MCUB: variants seen among roughly 807,000 people sequenced by gnomAD.
MCUB encodes the protein calcium uniporter regulatory subunit MCUb, mitochondrial.
A neutral mutation model predicts 41.4 loss-of-function variants in MCUB; 46 were observed. The observed-to-expected ratio is 1.11, with a 90% confidence interval of 0.88 to 1.42. The LOEUF is 1.42. Ranked by LOEUF, MCUB falls within the 40% of genes most tolerant of loss-of-function variation. The pLI is 0.00. For missense variants in MCUB, 403 were observed against 404.9 expected (o/e 1.00, Z 0.04); for synonymous variants, 148 against 148.2 (o/e 1.00, Z 0.01).
At chr4:109,643,191 T>C (rs1322358146) in intron 1 of MCUB, among the ~76,000 whole-genome samples, 1 of 152,078 alleles carries the variant, frequency 6.6e-6, no homozygotes, top group Non-Finnish European at 1.5e-5. Flanking sequence ...GTGAGACTTA[T>C]TTTCTTTTAT....
chr4:109,587,840 A>G (rs1352653553), intron 1 of MCUB, among the ~76,000 whole-genome samples: 1 of 152,236 alleles, frequency 6.6e-6, no homozygotes, highest in East Asian at 1.9e-4. Flanking sequence ...AATTAATTCA[A>G]AAGTCTTTTC....
chr4:109,575,629 G>A (rs1727009202), intron 1 of MCUB, among the ~76,000 whole-genome samples: 1 of 152,168 alleles, frequency 6.6e-6, no homozygotes, highest in South Asian at 2.1e-4. Flanking sequence ...CAGTTGTTAT[G>A]CCTGCAATTA....
intron 1 of MCUB, among the ~76,000 whole-genome samples, chr4:109,619,754 G>A (rs930803420): frequency 6.6e-6 from 1 of 152,134 alleles, no homozygotes; most frequent in Non-Finnish European, 1.5e-5. Flanking sequence ...AAGTTAGTCT[G>A]TAATTGTATT....
intron 1 of MCUB, among the ~76,000 whole-genome samples, chr4:109,577,957 C>T (rs1727073007): frequency 6.6e-6 from 1 of 152,032 alleles, no homozygotes; most frequent in South Asian, 2.1e-4. Context: ...TTAAAAGGGA[C>T]CACAAAAGTG....
intron 1 of MCUB, among the ~76,000 whole-genome samples, chr4:109,651,584 G>A (rs934677681): frequency 6.6e-6 from 1 of 151,866 alleles, no homozygotes. Context: ...ACATACACAC[G>A]TACATTAAAC....
intron 1 of MCUB, among the ~76,000 whole-genome samples, chr4:109,575,464 G>C (rs547523888): frequency 6.6e-6 from 1 of 152,288 alleles, no homozygotes; most frequent in Non-Finnish European, 1.5e-5. Flanking sequence ...CTTGGCTGCT[G>C]TACTGACAGG....
intron 6 of MCUB, chr4:109,684,910 T>TA (rs35776161): frequency 0.11 from 42,843 of 378,160 alleles, 2,792 homozygotes; most frequent in South Asian, 0.15. Flanking sequence ...CCCTCATTTA[T>TA]AAAAAAAACT....
intron 1 of MCUB, among the ~76,000 whole-genome samples, chr4:109,583,727 G>T (rs1727239196): frequency 6.6e-6 from 1 of 152,128 alleles, no homozygotes; most frequent in Non-Finnish European, 1.5e-5. Flanking sequence ...ATTATTTTGA[G>T]ATACATCTCA....
At chr4:109,584,343 CTTCT>C (rs1387071863) in intron 1 of MCUB, among the ~76,000 whole-genome samples, 1 of 152,086 alleles carries the variant, frequency 6.6e-6, no homozygotes, top group African/African-American at 2.4e-5. Flanking sequence ...TCTCTCTCTT[CTTCT>C]TTATTAGTCT....
intron 2 of MCUB, 27 bp from the exon 3 acceptor site, chr4:109,660,168 A>ATTT: frequency 8.0e-6 from 9 of 1,126,278 alleles, no homozygotes; most frequent in East Asian, 5.5e-5. Context: ...AAATTTACTC[A>ATTT]TTTTTTTTTC....
At position 109,679,787 on chromosome 4, in the gene MCUB, T is replaced by TTTG. The variant is rs377253519; in HGVS notation, c.452-2768_452-2766dup. On this transcript the variant is annotated intron_variant, in intron 4 of 7. Coordinates refer to ENST00000394650, the MANE Select transcript of MCUB (RefSeq NM_017918.5). ...TTTCTCTCCCGCTTTGAGGTATAAT[T>TTTG]TTGTTGTTGTTGTTGTTGTTGTTGT... Among the ~76,000 whole-genome samples, 593 of 151,664 alleles carry TTTG rather than the reference T, an allele frequency of 3.9e-3. 4 individuals carry two copies. Among genetic ancestry groups the TTTG allele is most frequent in the East Asian group, 7.5e-3 (39 of 5,166 alleles).
At chr4:109,595,321 A>G (rs1198787327) in intron 1 of MCUB, among the ~76,000 whole-genome samples, 1 of 152,192 alleles carries the variant, frequency 6.6e-6, no homozygotes. Context: ...TAACCACGGA[A>G]TCTGCACTAG....
At chr4:109,676,745 T>C (rs559719189) in intron 4 of MCUB, among the ~76,000 whole-genome samples, 1 of 152,346 alleles carries the variant, frequency 6.6e-6, no homozygotes, top group Admixed American at 6.5e-5. Flanking sequence ...CCAAGGACTT[T>C]ATGGAAGGCA....
chr4:109,687,536 G>A lies in MCUB; in HGVS notation c.955G>A (p.Ala319Thr), dbSNP rs1729877271. Residue 319 changes from alanine (A) to threonine (T), a missense_variant, in exon 8 of 8, where the codon GCG becomes ACG. By Grantham distance (58) the Ala-to-Thr change is moderately conservative. Transcript: ENST00000394650. ...ACAGGCTAAAGAATCCCTGAAACAG[G>A]CGCGTCATTCTCTCTGTTTGCAAAT... ...LAKAKESLKQ[A>T]RHSLCLQMQV... The A allele has an allele frequency of 6.2e-7, 1 of 1,612,388 alleles. No homozygotes were observed. Among genetic ancestry groups the A allele is most frequent in the South Asian group, 1.1e-5 (1 of 90,902 alleles).
At chr4:109,684,948 C>T (rs1024634426) in intron 6 of MCUB, 58 of 388,954 alleles carry the variant, frequency 1.5e-4, no homozygotes, top group Non-Finnish European at 2.4e-4. Flanking sequence ...CATTCAGTAA[C>T]ATCAGCTTTG....
intron 1 of MCUB, among the ~76,000 whole-genome samples, chr4:109,654,162 G>T (rs909792410): frequency 2.0e-5 from 3 of 151,680 alleles, no homozygotes; most frequent in Non-Finnish European, 1.5e-5. Flanking sequence ...TCAAATTTTG[G>T]ATTACAGATT....
chr4:109,684,278 G>A (rs111455616), intron 5 of MCUB, among the ~76,000 whole-genome samples, 165 bp from the exon 6 acceptor site: 1 of 152,068 alleles, frequency 6.6e-6, no homozygotes, highest in Non-Finnish European at 1.5e-5. Context: ...TAACCAGGAT[G>A]GTCTCGATCT....
intron 3 of MCUB, among the ~76,000 whole-genome samples, chr4:109,664,003 C>T (rs1176562919): frequency 2.6e-5 from 4 of 152,242 alleles, no homozygotes; most frequent in Non-Finnish European, 4.4e-5. Flanking sequence ...GCATGACTCT[C>T]CACAGATGCA....
intron 1 of MCUB, among the ~76,000 whole-genome samples, chr4:109,634,218 C>G (rs757514769): frequency 6.6e-6 from 1 of 151,960 alleles, no homozygotes; most frequent in Non-Finnish European, 1.5e-5. Flanking sequence ...CACGGTGGCT[C>G]ATGCCTGTAA....
Sources: gnomAD v4.1 joint callset for allele counts (sites outside exome capture counted in the v4.1 genomes callset) on GRCh38, gnomAD v4.1.1 for gene constraint, MANE v1.5 for transcripts, NCBI Gene and HGNC (gene_info 2026-07-23, HGNC 2026-07-21) for gene names.